PLPP4: variants seen among roughly 807,000 people sequenced by gnomAD.
The protein encoded by PLPP4 is diacylglycerol pyrophosphate like 2.
Under a neutral mutation model 32.2 loss-of-function variants are expected in PLPP4, and 20 were observed. The observed-to-expected ratio is 0.62, with a 90% confidence interval of 0.44 to 0.90. PLPP4 has a LOEUF of 0.90. PLPP4 is among the 40% of genes least tolerant of loss of function. PLPP4 has a pLI of 0.00. For synonymous variants in PLPP4, 127 were observed against 133.0 expected, an observed-to-expected ratio of 0.95 and a Z score of 0.31; for missense variants, 257 against 353.1, an observed-to-expected ratio of 0.73 and a Z score of 2.18.
At position 120,581,012 on chromosome 10, in the gene PLPP4, G is replaced by A. The variant is rs182259705; in HGVS notation, c.616+5711G>A. On this transcript the variant is annotated intron_variant, in intron 6 of 6. Transcript: ENST00000398250. ...CCCATCTAAGTCCACCCGCCTCTGT[G>A]TTGGTGCCTAGGAGAGCGTAAGAAG... is the stretch of plus-strand genomic sequence containing the variant. The A allele has an allele frequency of 4.9e-4, 630 of 1,289,328 alleles. 7 individuals carry two copies. In the African/African-American group the frequency reaches 8.8e-3, roughly 18 times the overall value. 79.9% of individuals were successfully genotyped at this position (1,289,328 alleles called of 1,614,324 possible). A position where few individuals can be genotyped will look rare whatever the true frequency, so the allele number is the denominator to read the frequency against.
intron 6 of PLPP4, among the ~76,000 whole-genome samples, chr10:120,577,351 G>T (rs1354248248): frequency 6.6e-6 from 1 of 152,170 alleles, no homozygotes; most frequent in African/African-American, 2.4e-5. Context: ...CCTAGGATGT[G>T]AGGCTGGCCT....
intron 3 of PLPP4, among the ~76,000 whole-genome samples, chr10:120,518,504 C>T (rs1846023170): frequency 6.6e-6 from 1 of 152,146 alleles, no homozygotes; most frequent in Non-Finnish European, 1.5e-5. Flanking sequence ...AAAAGAAATT[C>T]TACATGCTGT....
intron 5 of PLPP4, among the ~76,000 whole-genome samples, chr10:120,566,436 G>A (rs955946794): frequency 1.3e-5 from 2 of 152,148 alleles, no homozygotes; most frequent in East Asian, 1.9e-4. Context: ...AAAAACCTAC[G>A]AGAGTTGGCT....
At chr10:120,508,792 G>T (rs753080197) in intron 2 of PLPP4, among the ~76,000 whole-genome samples, 11 of 152,190 alleles carry the variant, frequency 7.2e-5, no homozygotes, top group Non-Finnish European at 1.5e-4. Context: ...ACTCAAAGGT[G>T]CACACTACTT....
intron 6 of PLPP4, among the ~76,000 whole-genome samples, chr10:120,586,008 G>C (rs1001426869): frequency 1.3e-5 from 2 of 152,202 alleles, no homozygotes; most frequent in African/African-American, 4.8e-5. Flanking sequence ...CGTATGGGGA[G>C]AAAGCAGTGA....
rs537626932 is a variant in PLPP4, at chr10:120,564,108, T to C, written c.446-11023T>C. On this transcript the variant is annotated intron_variant, in intron 5 of 6. Coordinates refer to ENST00000398250, the MANE Select transcript of PLPP4 (RefSeq NM_001030059.3). Reference sequence around the variant, plus strand: ...TCTTGTTTTTCTAACAAAAACAATTTAGCTATAAATTTTCCTTTAAATGTT... The same window carrying C: ...TCTTGTTTTTCTAACAAAAACAATTCAGCTATAAATTTTCCTTTAAATGTT... Among the ~76,000 whole-genome samples, 6 of 152,238 alleles carry C rather than the reference T, an allele frequency of 3.9e-5. No homozygotes were observed. In the East Asian group the frequency reaches 1.2e-3, roughly 29 times the overall value.
chr10:120,511,812 G>T (rs949377996), intron 2 of PLPP4, among the ~76,000 whole-genome samples: 1 of 152,064 alleles, frequency 6.6e-6, no homozygotes, highest in African/African-American at 2.4e-5. Flanking sequence ...TACATTTCCG[G>T]GCCAGGTGCG....
rs1354670559 is a variant in PLPP4, at chr10:120,467,637, G to T, written c.56+10276G>T. Among the ~76,000 whole-genome samples the T allele has an allele frequency of 1.2e-4, 8 of 65,050 alleles. 3 individuals are homozygous for T. The highest frequency in any genetic ancestry group is 2.6e-4 in the African/African-American group (8 of 30,540). The allele number at this position is 65,050 out of a possible 152,430, so 42.7% of individuals were successfully genotyped here. ...TCAGAGAGCTCTTACCAATTAAAAA[G>T]AAAAGAGAAGAGCTCATCAACAGAA... is the stretch of plus-strand genomic sequence containing the variant. On this transcript the variant is annotated intron_variant, in intron 1 of 6. Transcript: ENST00000398250.
At chr10:120,473,746 A>G (rs1843766960) in intron 1 of PLPP4, among the ~76,000 whole-genome samples, 1 of 152,006 alleles carries the variant, frequency 6.6e-6, no homozygotes, top group African/African-American at 2.4e-5. Context: ...TGGTTGTTTG[A>G]AAGTGAGTGG....
intron 5 of PLPP4, among the ~76,000 whole-genome samples, chr10:120,548,589 C>T (rs916077690): frequency 6.6e-6 from 1 of 152,122 alleles, no homozygotes; most frequent in Admixed American, 6.5e-5. Flanking sequence ...TGTGGGTATA[C>T]ATCCAATAAT....
intron 1 of PLPP4, among the ~76,000 whole-genome samples, chr10:120,459,525 C>G (rs1847947468): frequency 6.6e-6 from 1 of 152,140 alleles, no homozygotes; most frequent in Non-Finnish European, 1.5e-5. Context: ...AAGTTTAATT[C>G]TTCCTTTTGC....
intron 6 of PLPP4, among the ~76,000 whole-genome samples, chr10:120,582,906 G>A (rs1480622531): frequency 1.3e-5 from 2 of 151,228 alleles, no homozygotes; most frequent in African/African-American, 4.9e-5. Flanking sequence ...CATAGCTGCT[G>A]TCCTCTCAGC....
chr10:120,464,052 A>G (rs1848203400), intron 1 of PLPP4, among the ~76,000 whole-genome samples: 1 of 152,108 alleles, frequency 6.6e-6, no homozygotes, highest in South Asian at 2.1e-4. Context: ...AGATCCTCCC[A>G]CTTTGGCCTC....
chr10:120,501,441 G>T (rs1038848669), intron 1 of PLPP4, among the ~76,000 whole-genome samples: 1 of 152,120 alleles, frequency 6.6e-6, no homozygotes, highest in Non-Finnish European at 1.5e-5. Context: ...TCTAATTTTT[G>T]TTTCTCTTCT....
intron 1 of PLPP4, among the ~76,000 whole-genome samples, chr10:120,463,216 C>T (rs541186161): frequency 1.3e-4 from 20 of 151,982 alleles, no homozygotes; most frequent in South Asian, 8.3e-4. Flanking sequence ...TTAGTAGAGA[C>T]GTAGTTTCAC....
chr10:120,519,830 C>T (rs1440208259), intron 4 of PLPP4, among the ~76,000 whole-genome samples: 1 of 152,196 alleles, frequency 6.6e-6, no homozygotes, highest in Admixed American at 6.5e-5. Flanking sequence ...GTGGTAGGTG[C>T]TCAGCGAATA....
At chr10:120,466,698 G>A (rs1329800291) in intron 1 of PLPP4, among the ~76,000 whole-genome samples, 1 of 152,088 alleles carries the variant, frequency 6.6e-6, no homozygotes, top group African/African-American at 2.4e-5. Flanking sequence ...TGCTGAAGAA[G>A]TGACACCCTG....
chr10:120,564,566 AT>A (rs1848600089), intron 5 of PLPP4, among the ~76,000 whole-genome samples: 2 of 151,934 alleles, frequency 1.3e-5, no homozygotes, highest in African/African-American at 4.8e-5. Flanking sequence ...AAAGATGTGA[AT>A]TAAAATTTTC....
intron 5 of PLPP4, among the ~76,000 whole-genome samples, chr10:120,556,307 C>G (rs1243178594): frequency 6.6e-6 from 1 of 152,130 alleles, no homozygotes; most frequent in Non-Finnish European, 1.5e-5. Flanking sequence ...TTTTGTCTCT[C>G]TTAAAGCTGA....
Sources: allele counts gnomAD v4.1 joint callset (sites outside exome capture counted in the v4.1 genomes callset), GRCh38; gene constraint gnomAD v4.1.1; transcripts MANE v1.5; gene names NCBI Gene and HGNC (gene_info 2026-07-23, HGNC 2026-07-21).